The following CAMKK2 variants were observed in gnomAD, a reference collection of about 807,000 sequenced individuals.
The protein encoded by CAMKK2 is calcium/calmodulin-dependent protein kinase kinase 2.
CAMKK2 carries 30 observed loss-of-function variants against 67.2 expected under a neutral mutation model. That is an observed-to-expected ratio of 0.45 (90% CI 0.33 to 0.61). The LOEUF (loss-of-function observed/expected upper bound fraction) is 0.61. Among genes scored for constraint, CAMKK2 ranks in the 20% least tolerant of loss-of-function variants. The probability of loss-of-function intolerance (pLI) is 0.02; values close to 1 mark genes in which losing one functional copy is unlikely to be tolerated. For synonymous variants in CAMKK2, 322 were observed against 326.2 expected, an observed-to-expected ratio of 0.99 and a Z score of 0.14; for missense variants, 643 against 802.0, an observed-to-expected ratio of 0.80 and a Z score of 2.39.
chr12:121,281,501 GTCC>G (rs983403855), intron 1 of CAMKK2, among the ~76,000 whole-genome samples: 13 of 152,226 alleles, frequency 8.5e-5, no homozygotes, highest in South Asian at 6.2e-4. Context: ...GCCCACAGAG[GTCC>G]TCAAGGAAAT....
chr12:121,260,505 A>C, intron 6 of CAMKK2, 150 bp from the exon 7 acceptor site: 1 of 694,612 alleles, frequency 1.4e-6, no homozygotes, highest in Non-Finnish European at 2.6e-6. Context: ...TTAAGATGGA[A>C]GATAGGGAAA....
rs182377481 is a variant in CAMKK2 at position 121,283,721 on chromosome 12, G to A, written c.-59-9136C>T. Among the ~76,000 whole-genome samples, 1,013 of 152,250 alleles carry A rather than the reference G, an allele frequency of 6.7e-3. 43 individuals are homozygous for A. Among genetic ancestry groups the A allele is most frequent in the Admixed American group, 0.06 (919 of 15,280 alleles). On this transcript the variant is annotated intron_variant, in intron 1 of 16. Transcript: ENST00000404169. ...TCCCAGCTACTCAGGAGGCTGAGGC[G>A]GGAGGATGGCTTGAGCCCAGGAGTT...
At chr12:121,263,781 C>T in intron 6 of CAMKK2, 25 bp downstream of exon 6, 1 of 1,586,352 alleles carries the variant, frequency 6.3e-7, no homozygotes, top group African/African-American at 1.3e-5. Context: ...GCCTCCCTCC[C>T]TCCTGGGCGC....
intron 13 of CAMKK2, 40 bp downstream of exon 13, chr12:121,249,747 A>C (rs1310255496): frequency 1.3e-6 from 2 of 1,566,702 alleles, no homozygotes; most frequent in Admixed American, 1.7e-5. Flanking sequence ...GGCTGAGCCA[A>C]ACAATTCCGA....
chr12:121,267,028 T>C (rs1199716705), intron 5 of CAMKK2, among the ~76,000 whole-genome samples: 1 of 69,210 alleles, frequency 1.4e-5, no homozygotes, highest in Non-Finnish European at 2.7e-5. Flanking sequence ...TGGCCTTTTT[T>C]TTTTTTTTTT....
chr12:121,281,621 T>C (rs1021657334), intron 1 of CAMKK2, among the ~76,000 whole-genome samples: 2 of 152,208 alleles, frequency 1.3e-5, no homozygotes, highest in Non-Finnish European at 2.9e-5. Flanking sequence ...TCGAGGGGAC[T>C]GACAGTCCAA....
At chr12:121,288,882 ATGGGG>A (rs1276856420) in intron 1 of CAMKK2, among the ~76,000 whole-genome samples, 2 of 139,538 alleles carry the variant, frequency 1.4e-5, no homozygotes, top group Non-Finnish European at 3.1e-5. Context: ...AGCTTTCAGG[ATGGGG>A]TGGGGTGGGG....
At position 121,274,479 on chromosome 12, in the gene CAMKK2, G is replaced by C. The variant is rs767170144; in HGVS notation, c.48C>G (p.Pro16=). The C allele has an allele frequency of 1.9e-6, 3 of 1,612,656 alleles. No homozygotes were observed. Among genetic ancestry groups the C allele is most frequent in the East Asian group, 4.5e-5 (2 of 44,870 alleles). The change falls in exon 2 of 17, where the codon CCC becomes CCG. Residue 16 remains proline, a synonymous_variant. Transcript: ENST00000404169. ...SSQPSSNRAA[P]QDELGGRGSS... is the part of the protein sequence containing the mutation. ...TGCCCCTGCCCCCCAGCTCATCCTG[G>C]GGGGCGGCCCGGTTGCTGCTGGGCT...
rs532454145 is a variant in CAMKK2, at chr12:121,265,545, G to A, written c.626-1606C>T. On this transcript the variant is annotated intron_variant, in intron 5 of 16. Transcript: ENST00000404169. ...GAGAAGAGTAGGTCACGAGGATACA[G>A]CTCTCATGAATGAGATTAGTGCTGT... 5.3e-5 allele frequency among the ~76,000 whole-genome samples: 8 copies of A among 152,260 alleles called. No individual in the cohort carries two copies. In the East Asian group the frequency reaches 1.4e-3, roughly 26 times the overall value.
chr12:121,244,859 G>C (rs889568234), intron 15 of CAMKK2, among the ~76,000 whole-genome samples: 16 of 152,178 alleles, frequency 1.1e-4, no homozygotes, highest in Admixed American at 1.0e-3. Flanking sequence ...CACGGTCCCG[G>C]GCCACAAAAG....
rs533259739 is a variant in CAMKK2, at chr12:121,278,835, G to A, written c.-59-4250C>T. Reference sequence around the variant, plus strand: ...CAGATGCCCATGGCCTGCTCTGGTAGGTAGCCTATGCTCTGGAATGTTCCC... The same window carrying A: ...CAGATGCCCATGGCCTGCTCTGGTAAGTAGCCTATGCTCTGGAATGTTCCC... On this transcript the variant is annotated intron_variant, in intron 1 of 16. Coordinates refer to ENST00000404169, the MANE Select transcript of CAMKK2 (RefSeq NM_001270485.2). Among the ~76,000 whole-genome samples the A allele has an allele frequency of 1.2e-3, 179 of 152,322 alleles. 1 individual carries two copies. Among genetic ancestry groups the A allele is most frequent in the African/African-American group, 4.2e-3 (174 of 41,576 alleles).
At chr12:121,289,669 G>C (rs1408228165) in intron 1 of CAMKK2, among the ~76,000 whole-genome samples, 1 of 152,148 alleles carries the variant, frequency 6.6e-6, no homozygotes, top group Admixed American at 6.5e-5. Flanking sequence ...GAGGCGGGCG[G>C]ATCACCTGAG....
chr12:121,258,173 T>C (rs878875881), intron 7 of CAMKK2, among the ~76,000 whole-genome samples: 1 of 152,134 alleles, frequency 6.6e-6, no homozygotes, highest in East Asian at 1.9e-4. Context: ...TACAGGCATG[T>C]GCCACCACAT....
intron 5 of CAMKK2, among the ~76,000 whole-genome samples, chr12:121,266,407 G>T (rs1166449731): frequency 1.3e-5 from 2 of 152,132 alleles, no homozygotes; most frequent in African/African-American, 2.4e-5. Context: ...GCCAGAAGCA[G>T]ATGTCAAAAA....
chr12:121,271,273 C>CAAAAAAA (rs11332649), intron 2 of CAMKK2, among the ~76,000 whole-genome samples: 53 of 112,922 alleles, frequency 4.7e-4, no homozygotes, highest in African/African-American at 1.7e-3. Context: ...AACTGTGTCT[C>CAAAAAAA]AAAAAAAAAA....
At position 121,240,733 on chromosome 12, in the gene CAMKK2, G is replaced by A. The variant is rs1486093264; in HGVS notation, c.1733C>T (p.Pro578Leu). ...PAPGSPARMH[P>L]LRPEEAMEPE is the part of the protein sequence containing the mutation. The stretch of plus-strand genomic sequence containing the variant: ...CTCCATGGCCTCCTCCGGCCGCAGT[G>A]GATGCATGCGTGCGGGGGAGCCGGG... Residue 578 changes from proline (P) to leucine (L), a missense_variant, in exon 17 of 17, where the codon CCA becomes CTA. By Grantham distance (98) the Pro-to-Leu change is moderately conservative (BLOSUM62 -3). This residue lies in a region of CAMKK2 where 140 missense variants were observed against 124.2 expected (regional missense o/e 1.13). Coordinates refer to ENST00000404169, the MANE Select transcript of CAMKK2 (RefSeq NM_001270485.2). This position sits in a 1 kb window ranked among gnomAD's most constrained non-coding sequence, Gnocchi z 4.4. 2 of 1,608,534 alleles carry A rather than the reference G, an allele frequency of 1.2e-6. No individual in the cohort carries two copies. The highest frequency in any genetic ancestry group is 1.7e-6 in the Non-Finnish European group (2 of 1,178,990).
Position 121,274,443 on chromosome 12 carries a change from G to C in CAMKK2, c.84C>G (p.Ser28Arg). Residue 28 changes from serine (S) to arginine (R), a missense_variant, in exon 2 of 17, where the codon AGC (serine) becomes AGG (arginine). Ser to Arg is a moderately radical substitution (Grantham distance 110). Around this residue, in one of 3 missense-constraint regions of CAMKK2, gnomAD observed 483 missense variants for 625.8 expected, o/e 0.77. Transcript: ENST00000404169. ...DELGGRGSSS[S>R]ESQKPCEALR... is the part of the protein sequence containing the mutation. ...GGGCCTCACAGGGCTTCTGGCTTTC[G>C]CTGCTGCTGCTGCCCCTGCCCCCCA... is the stretch of plus-strand genomic sequence containing the variant. The C allele has an allele frequency of 1.2e-6, 2 of 1,612,366 alleles. No homozygotes were observed. The highest frequency in any genetic ancestry group is 1.7e-6 in the Non-Finnish European group (2 of 1,179,442).
chr12:121,295,743 C>T (rs1901017059), intron 1 of CAMKK2, among the ~76,000 whole-genome samples: 3 of 152,204 alleles, frequency 2.0e-5, no homozygotes, highest in African/African-American at 4.8e-5. Context: ...ACGCCCTCCC[C>T]AAAGCTCAGC....
At position 121,260,328 on chromosome 12, in the gene CAMKK2, G is replaced by C; in HGVS notation, c.787C>G (p.Leu263Val). The C allele has an allele frequency of 6.2e-7, 1 of 1,610,918 alleles. No homozygotes were observed. Among genetic ancestry groups the C allele is most frequent in the South Asian group, 1.1e-5 (1 of 89,970 alleles). The change falls in exon 7 of 17, where the codon CTG (leucine) becomes GTG (valine). Residue 263 changes from leucine to valine, a missense_variant. Transcript: ENST00000404169. ...AAAAGGGCTTCCTTACCCATGTACA[G>C]ATGGTCCTCATTGGGGTCATCCAGG... ...EVLDDPNEDHLYMVFELVNQG... is the reference protein window; with the variant it reads ...EVLDDPNEDHVYMVFELVNQG...
Sources: gnomAD v4.1 joint callset for allele counts (sites outside exome capture counted in the v4.1 genomes callset) on GRCh38, gnomAD v4.1.1 for gene constraint, gnomAD v4.1.1 regional missense constraint, Gnocchi (gnomAD v3.1) non-coding constraint, MANE v1.5 for transcripts, NCBI Gene and HGNC (gene_info 2026-07-23, HGNC 2026-07-21) for gene names.